Variants in DOCK2 observed in about 807,000 individuals in gnomAD.
DOCK2 encodes dedicator of cytokinesis 2, also known as dedicator of cytokinesis protein 2.
A neutral mutation model predicts 248.9 loss-of-function variants in DOCK2; 87 were observed. The observed-to-expected ratio is 0.35, with a 90% CI of 0.29 to 0.42. The LOEUF (loss-of-function observed/expected upper bound fraction) is 0.42, where lower values mean the gene tolerates loss of function less well. DOCK2 is among the 10% of genes least tolerant of loss of function. The pLI, the probability that DOCK2 is intolerant of heterozygous loss-of-function variation, is 1.00. For synonymous variants in DOCK2, 805 were observed against 821.6 expected, an observed-to-expected ratio of 0.98 and a Z score of 0.35; for missense variants, 1,747 against 2,300.2, an observed-to-expected ratio of 0.76 and a Z score of 4.92.
rs1007716238 is a variant in DOCK2 at position 169,670,428 on chromosome 5, G to A, written c.169-114G>A. On this transcript the variant is annotated intron_variant, in intron 3 of 51. Coordinates refer to ENST00000520908, the MANE Select transcript of DOCK2 (RefSeq NM_004946.3). ...TGGGTTTATTCCTTTAAAGTCTGGG[G>A]ATTTTATAAGCCAGTAGCTTTTGGA... 194 of 1,208,584 alleles carry A rather than the reference G, an allele frequency of 1.6e-4. 1 individual carries two copies. The highest frequency in any genetic ancestry group is 1.4e-4 in the Admixed American group (5 of 35,732). 74.9% of individuals were successfully genotyped at this position (1,208,584 alleles called of 1,614,324 possible).
chr5:169,861,132 A>G (rs1482333), intron 27 of DOCK2, among the ~76,000 whole-genome samples: 52,484 of 151,980 alleles, frequency 0.35, 10,412 homozygotes, highest in Admixed American at 0.44. Context: ...GCGGGGCTTC[A>G]TGTGATCATC....
chr5:169,881,285 T>C, intron 27 of DOCK2: 1 of 1,168,560 alleles, frequency 8.6e-7, no homozygotes, highest in Non-Finnish European at 1.2e-6. Context: ...TCTTGACTTT[T>C]TGCATTTAAA....
At chr5:169,977,021 A>G (rs1433327103) in intron 27 of DOCK2, among the ~76,000 whole-genome samples, 1 of 152,248 alleles carries the variant, frequency 6.6e-6, no homozygotes, top group African/African-American at 2.4e-5. Flanking sequence ...TAACCAAAGA[A>G]TGTCACTGCA....
At chr5:169,992,201 A>G (rs1778225355) in intron 29 of DOCK2, among the ~76,000 whole-genome samples, 1 of 152,188 alleles carries the variant, frequency 6.6e-6, no homozygotes, top group Admixed American at 6.5e-5. Context: ...GAGATATGTG[A>G]GCATTAGAAA....
At chr5:170,038,287 A>G (rs540814749) in intron 36 of DOCK2, among the ~76,000 whole-genome samples, 1 of 152,232 alleles carries the variant, frequency 6.6e-6, no homozygotes, top group Non-Finnish European at 1.5e-5. Flanking sequence ...TCCCCTTCTC[A>G]TTTTAGAAAC....
Position 169,656,509 on chromosome 5 carries a change from C to T in DOCK2, c.127+2023C>T, listed in dbSNP as rs967688471. ...TGTATTTTCAATAGAGACGGGGTTT[C>T]GCCATGTTGGCCAGGCTGGTCTCAA... On this transcript the variant is annotated intron_variant, in intron 2 of 51. Coordinates refer to ENST00000520908, the MANE Select transcript of DOCK2 (RefSeq NM_004946.3). Among the ~76,000 whole-genome samples, 10 of 152,182 alleles carry T rather than the reference C, an allele frequency of 6.6e-5. 1 individual carries two copies. In the South Asian group the frequency reaches 8.3e-4, roughly 13 times the overall value.
chr5:169,719,932 A>AT (rs1479776535), intron 22 of DOCK2, among the ~76,000 whole-genome samples: 1 of 152,156 alleles, frequency 6.6e-6, no homozygotes, highest in Non-Finnish European at 1.5e-5. Flanking sequence ...AAAAAAAAAA[A>AT]AAGACCATCA....
At chr5:169,864,364 G>T in intron 27 of DOCK2, 1 of 1,551,518 alleles carries the variant, frequency 6.4e-7, no homozygotes, top group South Asian at 1.2e-5. Context: ...TGGGGACTTT[G>T]GTGGGGGCGA....
intron 26 of DOCK2, among the ~76,000 whole-genome samples, chr5:169,807,747 T>A (rs1767473755): frequency 7.1e-6 from 1 of 140,116 alleles, no homozygotes; most frequent in Non-Finnish European, 1.5e-5. Flanking sequence ...GGCAGGAGAA[T>A]GGCGTGAATC....
chr5:170,014,137 C>A (rs969174210), intron 32 of DOCK2, among the ~76,000 whole-genome samples: 2 of 152,254 alleles, frequency 1.3e-5, no homozygotes, highest in Non-Finnish European at 2.9e-5. Context: ...CCAGCCCAAG[C>A]AAGCATGGCT....
chr5:169,968,785 T>C (rs1777392493), intron 27 of DOCK2, among the ~76,000 whole-genome samples: 1 of 152,152 alleles, frequency 6.6e-6, no homozygotes, highest in Non-Finnish European at 1.5e-5. Flanking sequence ...GAGGAAGAAT[T>C]GAGTGTGGTT....
chr5:170,075,831 A>T, intron 46 of DOCK2, 116 bp from the exon 47 acceptor site: 1 of 1,389,156 alleles, frequency 7.2e-7, no homozygotes, highest in Non-Finnish European at 9.9e-7. Flanking sequence ...GAGGACCCTG[A>T]AGCCCTTGAT....
At chr5:170,036,747 C>T (rs1756337092) in intron 36 of DOCK2, among the ~76,000 whole-genome samples, 192 bp downstream of exon 36, 1 of 152,346 alleles carries the variant, frequency 6.6e-6, no homozygotes, top group African/African-American at 2.4e-5. Context: ...CCCCATAAAA[C>T]CACGTGAAAT....
At chr5:169,973,926 C>G (rs779202793) in intron 27 of DOCK2, among the ~76,000 whole-genome samples, 1 of 152,168 alleles carries the variant, frequency 6.6e-6, no homozygotes. Context: ...TCCATTCCTC[C>G]TCTTCTATAT....
At chr5:169,680,570 T>C (rs986056041) in intron 6 of DOCK2, among the ~76,000 whole-genome samples, 9 of 152,148 alleles carry the variant, frequency 5.9e-5, no homozygotes, top group Non-Finnish European at 2.9e-5. Context: ...CTAGGTACGG[T>C]AGTAGCTGGG....
chr5:170,012,581 G>T (rs896516797), intron 32 of DOCK2, among the ~76,000 whole-genome samples: 9 of 152,238 alleles, frequency 5.9e-5, no homozygotes, highest in African/African-American at 2.2e-4. Context: ...AATTGTGTGT[G>T]TGTGGAGAGG....
intron 8 of DOCK2, among the ~76,000 whole-genome samples, chr5:169,684,653 C>T (rs1490293773): frequency 3.3e-5 from 5 of 152,116 alleles, no homozygotes; most frequent in Non-Finnish European, 7.4e-5. Context: ...AAAATATGTA[C>T]TTCTTTTTTG....
intron 5 of DOCK2, among the ~76,000 whole-genome samples, chr5:169,672,585 G>A (rs993992789): frequency 3.9e-5 from 6 of 151,986 alleles, no homozygotes; most frequent in Admixed American, 2.6e-4. Flanking sequence ...TTGATTCCCC[G>A]TCACCAACTA....
intron 26 of DOCK2, among the ~76,000 whole-genome samples, chr5:169,829,591 G>C (rs1769095563): frequency 2.0e-5 from 3 of 152,150 alleles, no homozygotes; most frequent in Non-Finnish European, 4.4e-5. Flanking sequence ...GACCGTGTAG[G>C]TACAGAACCC....
Sources: gnomAD v4.1 joint callset for allele counts (sites outside exome capture counted in the v4.1 genomes callset) on GRCh38, gnomAD v4.1.1 for gene constraint, MANE v1.5 for transcripts, NCBI Gene and HGNC (gene_info 2026-07-23, HGNC 2026-07-21) for gene names.